Variants in MYO1H observed in about 807,000 individuals in gnomAD.
The protein encoded by MYO1H is myosin IH, also known as unconventional myosin-Ih.
MYO1H carries 118 observed loss-of-function variants against 149.3 expected under a neutral mutation model. The ratio of observed to expected loss-of-function variants is 0.79; its 90% CI spans 0.68 to 0.92. MYO1H has a LOEUF of 0.92. Among genes scored for constraint, MYO1H ranks in the 40% least tolerant of loss-of-function variants. The probability of loss-of-function intolerance (pLI) is 0.00; values close to 1 mark genes in which losing one functional copy is unlikely to be tolerated. For synonymous variants in MYO1H, 447 were observed against 465.2 expected, an observed-to-expected ratio of 0.96 and a Z score of 0.50; for missense variants, 1,212 against 1,280.7, an observed-to-expected ratio of 0.95 and a Z score of 0.82.
Position 109,396,814 on chromosome 12 carries a change from G to GTTTTT in MYO1H, c.489+258_489+262dup, listed in dbSNP as rs60551691. 2.6e-3 allele frequency among the ~76,000 whole-genome samples: 131 copies of GTTTTT among 51,070 alleles called. 13 individuals carry two copies. The highest frequency in any genetic ancestry group is 3.8e-3 in the East Asian group (5 of 1,328). The allele number at this position is 51,070 out of a possible 152,430, so 33.5% of individuals were successfully genotyped here. ...GACATTTGGTTTTTGTTTTGGTTTC[G>GTTTTT]TTTTTTTTTTTTTTTTTTTTTTTTT... On this transcript the variant is annotated intron_variant, in intron 4 of 31. Transcript: ENST00000310903.
At position 109,425,886 on chromosome 12, in the gene MYO1H, C is replaced by T. The variant is rs925828276; in HGVS notation, c.1726-60C>T. On this transcript the variant is annotated intron_variant, in intron 17 of 31. Transcript: ENST00000310903. ...GAGCCCTGGCCAGTCTTTTTGTATTCGTTGGAAGCAGCAGTATCTCTCTGG... is the reference window on the plus strand; with the variant it reads ...GAGCCCTGGCCAGTCTTTTTGTATTTGTTGGAAGCAGCAGTATCTCTCTGG... The T allele has an allele frequency of 9.5e-5, 116 of 1,220,598 alleles. 1 individual carries two copies. The Admixed American group carries it at 2.0e-3, about 21-fold the overall frequency. The allele number at this position is 1,220,598 out of a possible 1,614,324, so 75.6% of individuals were successfully genotyped here.
chr12:109,315,027 G>A, the MYO1H span, among the ~76,000 whole-genome samples: 1 of 152,148 alleles, frequency 6.6e-6, no homozygotes, highest in Non-Finnish European at 1.5e-5. Flanking sequence ...GCTTGAGCCC[G>A]GAAGGCAGAG....
chr12:109,382,320 C>A (rs183070506), intron 1 of MYO1H, among the ~76,000 whole-genome samples: 1 of 152,156 alleles, frequency 6.6e-6, no homozygotes, highest in Admixed American at 6.5e-5. Context: ...CTTAAGAATG[C>A]AATTAACAAA....
intron 1 of MYO1H, 44 bp from the exon 2 acceptor site, chr12:109,388,639 T>C: frequency 6.7e-7 from 1 of 1,495,068 alleles, no homozygotes; most frequent in South Asian, 1.4e-5. Flanking sequence ...GTAATAGATA[T>C]TACCAAATAG....
At chr12:109,443,278 A>ATG in intron 27 of MYO1H, among the ~76,000 whole-genome samples, 1 of 136,644 alleles carries the variant, frequency 7.3e-6, no homozygotes, top group South Asian at 2.3e-4. Flanking sequence ...GTGTGTGTAT[A>ATG]TGTGTACGTA....
intron 6 of MYO1H, among the ~76,000 whole-genome samples, chr12:109,403,481 T>C (rs1429552536): frequency 6.6e-6 from 1 of 152,200 alleles, no homozygotes; most frequent in African/African-American, 2.4e-5. Flanking sequence ...ATGGGGAAAA[T>C]CTCTGCTTGT....
chr12:109,423,141 T>C (rs757268809), intron 16 of MYO1H, among the ~76,000 whole-genome samples: 9 of 151,762 alleles, frequency 5.9e-5, no homozygotes, highest in Non-Finnish European at 1.0e-4. Flanking sequence ...ATAACAAAAT[T>C]TAGCATTTTA....
At position 109,357,583 on chromosome 12, in the gene MYO1H, T is replaced by C. The variant is rs112854091; in HGVS notation, c.12+9611T>C. On this transcript the variant is annotated intron_variant, in intron 1 of 31. Coordinates refer to ENST00000310903, the Ensembl canonical transcript of MYO1H. ...ATGTGTCTGTGTTCCAATAAAACTT[T>C]ATTTATGGATACTGAAATTTGAATT... 2.3e-3 allele frequency among the ~76,000 whole-genome samples: 353 copies of C among 152,350 alleles called. 2 individuals are homozygous for C. Among genetic ancestry groups the C allele is most frequent in the African/African-American group, 8.2e-3 (339 of 41,564 alleles).
In MYO1H at chr12:109,407,793, G is replaced by T. The variant is rs745617617; in HGVS notation, c.1036-1G>T. ...ATGATGCACCTTGTCATTCTTTTCAGGTGATCTGCCCGTTGACACTAGAAC... is the reference window on the plus strand; with the variant it reads ...ATGATGCACCTTGTCATTCTTTTCATGTGATCTGCCCGTTGACACTAGAAC... On this transcript the variant is annotated splice_acceptor_variant, in intron 9 of 31. Coordinates refer to ENST00000310903, the Ensembl canonical transcript of MYO1H. LOFTEE classifies it high-confidence loss of function. The T allele has an allele frequency of 2.0e-5, 33 of 1,613,482 alleles. No individual in the cohort carries two copies. The highest frequency in any genetic ancestry group is 2.6e-5 in the Non-Finnish European group (31 of 1,179,744).
chr12:109,357,205 G>A (rs1434200359), intron 1 of MYO1H: 1 of 152,238 alleles, frequency 6.6e-6, no homozygotes, highest in Non-Finnish European at 1.5e-5. Flanking sequence ...GAAAGGTGAT[G>A]TCTCAACTCG....
chr12:109,322,905 G>A, the MYO1H span, among the ~76,000 whole-genome samples: 1,954 of 149,760 alleles, frequency 0.013, 20 homozygotes, highest in Middle Eastern at 0.035. Flanking sequence ...TCAGGAGATC[G>A]AGACCATCCT....
chr12:109,416,550 A>T (rs1444952630), intron 15 of MYO1H, among the ~76,000 whole-genome samples: 1 of 152,166 alleles, frequency 6.6e-6, no homozygotes, highest in East Asian at 1.9e-4. Flanking sequence ...TCATGCATTC[A>T]TCAATAACTC....
chr12:109,327,863 T>G, the MYO1H span, among the ~76,000 whole-genome samples: 1 of 151,908 alleles, frequency 6.6e-6, no homozygotes, highest in Non-Finnish European at 1.5e-5. Context: ...ACTCGTAACT[T>G]AACAATAGCA....
chr12:109,371,887 A>G (rs887045612), intron 1 of MYO1H, among the ~76,000 whole-genome samples: 2 of 152,208 alleles, frequency 1.3e-5, no homozygotes, highest in Non-Finnish European at 2.9e-5. Flanking sequence ...ATATTTGAAT[A>G]GCATTTTTCT....
chr12:109,405,490 T>G (rs549842332), intron 7 of MYO1H, among the ~76,000 whole-genome samples: 48 of 152,222 alleles, frequency 3.2e-4, no homozygotes, highest in African/African-American at 9.1e-4. Flanking sequence ...TTTGTGTTTT[T>G]AGTAGAGATG....
intron 19 of MYO1H, among the ~76,000 whole-genome samples, chr12:109,427,897 A>ATATATATAT (rs1871423968): frequency 1.9e-5 from 1 of 51,814 alleles, no homozygotes; most frequent in Non-Finnish European, 3.7e-5. Context: ...AAAAAAAAAA[A>ATATATATAT]AAAAAAAAAA....
chr12:109,343,743 C>T (rs553645439), upstream of MYO1H, among the ~76,000 whole-genome samples: 226 of 152,218 alleles, frequency 1.5e-3, 3 homozygotes, highest in South Asian at 0.011. Flanking sequence ...AATGGAATGA[C>T]TGAAAGAACA....
At chr12:109,372,835 G>C (rs549233159) in intron 1 of MYO1H, among the ~76,000 whole-genome samples, 1 of 151,906 alleles carries the variant, frequency 6.6e-6, no homozygotes, top group Admixed American at 6.6e-5. Context: ...TTATTTTATA[G>C]TTGAACTTAG....
chr12:109,345,555 C>G (rs1406593532), upstream of MYO1H, among the ~76,000 whole-genome samples: 1 of 151,922 alleles, frequency 6.6e-6, no homozygotes, highest in South Asian at 2.1e-4. Context: ...TTTGGCAGGT[C>G]CTTAAAAAGT....
Sources: gnomAD v4.1 joint callset for allele counts (sites outside exome capture counted in the v4.1 genomes callset) on GRCh38, gnomAD v4.1.1 for gene constraint, MANE v1.5 for transcripts, NCBI Gene and HGNC (gene_info 2026-07-23, HGNC 2026-07-21) for gene names.